The following OR4M1 variants were observed in gnomAD, a reference collection of about 807,000 sequenced individuals.
The protein encoded by OR4M1 is olfactory receptor family 4 subfamily M member 1.
In OR4M1, 7 loss-of-function variants were observed where a neutral mutation model predicts 9.8. That is an observed-to-expected ratio of 0.71 (90% CI 0.41 to 1.34). The LOEUF (loss-of-function observed/expected upper bound fraction) is 1.34. OR4M1 is among the 40% of genes most tolerant of loss of function. The pLI is 0.01. For missense variants in OR4M1, 331 were observed against 380.4 expected, an observed-to-expected ratio of 0.87 and a Z score of 1.08; for synonymous variants, 121 against 139.8, an observed-to-expected ratio of 0.87 and a Z score of 0.95.
At chr14:19,775,128 C>G (rs1225321917) in intron 1 of OR4M1, among the ~76,000 whole-genome samples, 3 of 152,214 alleles carry the variant, frequency 2.0e-5, no homozygotes, top group Non-Finnish European at 4.4e-5. Flanking sequence ...TATCAACCAA[C>G]CACTGAAGCT....
intron 1 of OR4M1, 47 bp from the exon 2 acceptor site, chr14:19,780,247 T>C (rs539977532): frequency 1.4e-6 from 2 of 1,426,160 alleles, no homozygotes; most frequent in East Asian, 2.3e-5. Context: ...GATATAACTC[T>C]AGATAAATGC....
chr14:19,774,926 C>T (rs1187537356), intron 1 of OR4M1, among the ~76,000 whole-genome samples: 1 of 151,928 alleles, frequency 6.6e-6, no homozygotes, highest in Admixed American at 6.6e-5. Context: ...ACCCTTAGCT[C>T]CCCAACCTAC....
In OR4M1 at chr14:19,775,004, A is replaced by G. The variant is rs1430341921; in HGVS notation, c.-30+1411A>G. Among the ~76,000 whole-genome samples the G allele has an allele frequency of 3.9e-5, 6 of 152,338 alleles. No homozygotes were observed. The East Asian group carries it at 7.7e-4, about 20-fold the overall frequency. On this transcript the variant is annotated intron_variant, in intron 1 of 1. Coordinates refer to ENST00000641200, the MANE Select transcript of OR4M1 (RefSeq NM_001005500.2). ...TAAAAGCTGAGTTTTCATCCATGAC[A>G]AGATGGGCGGTCAGAGGTGCCTTCT...
At chr14:19,775,986 G>A (rs2138427601) in intron 1 of OR4M1, among the ~76,000 whole-genome samples, 1 of 152,112 alleles carries the variant, frequency 6.6e-6, no homozygotes, top group East Asian at 1.9e-4. Context: ...TCTGCTACTG[G>A]TTTATTTATG....
intron 1 of OR4M1, among the ~76,000 whole-genome samples, chr14:19,778,084 T>A (rs1206330348): frequency 6.6e-6 from 1 of 152,236 alleles, no homozygotes; most frequent in East Asian, 1.9e-4. Flanking sequence ...TCCTAAGGAA[T>A]AAATGTGATT....
At chr14:19,780,209 G>GA (rs1260985568) in intron 1 of OR4M1, 85 bp from the exon 2 acceptor site, 5 of 1,207,176 alleles carry the variant, frequency 4.1e-6, no homozygotes, top group Non-Finnish European at 5.7e-6. Context: ...GTTAGTGACA[G>GA]AAAACGTATG....
At chr14:19,779,748 A>G (rs1463701857) in intron 1 of OR4M1, among the ~76,000 whole-genome samples, 8 of 152,250 alleles carry the variant, frequency 5.3e-5, no homozygotes, top group African/African-American at 1.9e-4. Context: ...TAAGCTATAC[A>G]GGTTTTGGTT....
rs57131693 is a variant in OR4M1, at chr14:19,777,050, T to TATATATATA, written c.-29-3244_-29-3243insATATATATA. ...TATATATATATATATATATATATAT[T>TATATATATA]GTTTGTTTGTTTTTCCTGTAATGTT... On this transcript the variant is annotated intron_variant, in intron 1 of 1. Coordinates refer to ENST00000641200, the MANE Select transcript of OR4M1 (RefSeq NM_001005500.2). 7.5e-3 allele frequency among the ~76,000 whole-genome samples: 561 copies of TATATATATA among 74,912 alleles called. 20 individuals are homozygous for TATATATATA. Among genetic ancestry groups the TATATATATA allele is most frequent in the East Asian group, 8.4e-3 (23 of 2,722 alleles). 49.1% of individuals were successfully genotyped at this position (74,912 alleles called of 152,430 possible).
chr14:19,780,142 C>T (rs1878424307), intron 1 of OR4M1, 152 bp from the exon 2 acceptor site: 2 of 670,570 alleles, frequency 3.0e-6, no homozygotes, highest in Non-Finnish European at 2.4e-6. Flanking sequence ...CACATACTTT[C>T]TCTTTCTTGG....
At chr14:19,779,858 A>G (rs1372258955) in intron 1 of OR4M1, among the ~76,000 whole-genome samples, 1 of 152,262 alleles carries the variant, frequency 6.6e-6, no homozygotes, top group Non-Finnish European at 1.5e-5. Flanking sequence ...GTGTGCTATT[A>G]GAATGCAAGC....
chr14:19,777,954 G>A (rs1232526091), intron 1 of OR4M1, among the ~76,000 whole-genome samples: 2 of 152,062 alleles, frequency 1.3e-5, no homozygotes, highest in African/African-American at 2.4e-5. Context: ...TTGATTGGCT[G>A]CCTGACTATT....
rs1878431023 is a variant in OR4M1, at chr14:19,780,294, T to C, written c.-29T>C. On this transcript the variant is annotated splice_region_variant and 5_prime_UTR_variant, in exon 2 of 2. Coordinates refer to ENST00000641200, the MANE Select transcript of OR4M1 (RefSeq NM_001005500.2). ...ATTATAGTTTCTTTAATTTTCATAG[T>C]TATATTATGAAAAGAGTAAATTGAA... is the stretch of plus-strand genomic sequence containing the variant. 2.5e-6 allele frequency: 4 copies of C among 1,570,804 alleles called. No homozygotes were observed. Among genetic ancestry groups the C allele is most frequent in the Non-Finnish European group, 3.4e-6 (4 of 1,159,564 alleles).
rs143594631 is a variant in OR4M1, at chr14:19,782,873, T to C, written c.*1609T>C. Reference sequence around the variant, plus strand: ...GTACAAAAGATATATATATATAATATGATAAAATGATGAGTTATGTTTCTA... The same window carrying C: ...GTACAAAAGATATATATATATAATACGATAAAATGATGAGTTATGTTTCTA... On this transcript the variant is annotated 3_prime_UTR_variant, in exon 2 of 2. Coordinates refer to ENST00000641200, the MANE Select transcript of OR4M1 (RefSeq NM_001005500.2). The C allele has an allele frequency of 1.0e-2, 1,493 of 149,764 alleles. 14 individuals are homozygous for C. The highest frequency in any genetic ancestry group is 0.035 in the African/African-American group (1,431 of 41,176). 9.3% of individuals were successfully genotyped at this position (149,764 alleles called of 1,614,324 possible). A position where few individuals can be genotyped will look rare whatever the true frequency, so the allele number is the denominator to read the frequency against.
chr14:19,780,421 C>T lies in OR4M1; in HGVS notation c.99C>T (p.Ser33=), dbSNP rs546810415. Reference sequence around the variant, plus strand: ...TAGTCCTATTTGTTATATTTCTATCCTTCTATTTGTTCATCCTACCAGGAA... The same window carrying T: ...TAGTCCTATTTGTTATATTTCTATCTTTCTATTTGTTCATCCTACCAGGAA... ...VQLVLFVIFL[S]FYLFILPGNI... The change falls in exon 2 of 2, where the codon TCC becomes TCT. Residue 33 remains serine (S), a synonymous_variant. Transcript: ENST00000641200. The T allele has an allele frequency of 1.0e-4, 163 of 1,613,964 alleles. No individual in the cohort carries two copies. Among genetic ancestry groups the T allele is most frequent in the Non-Finnish European group, 1.3e-4 (159 of 1,179,972 alleles).
chr14:19,779,082 G>A (rs1428806714), intron 1 of OR4M1, among the ~76,000 whole-genome samples: 3 of 152,114 alleles, frequency 2.0e-5, no homozygotes, highest in Non-Finnish European at 4.4e-5. Flanking sequence ...GCTTCTATAA[G>A]ATACTGAAAG....
Position 19,780,279 on chromosome 14 carries a change from C to A in OR4M1, c.-29-15C>A, listed in dbSNP as rs368555171. 9.2e-4 allele frequency: 1,424 copies of A among 1,540,360 alleles called. No individual in the cohort carries two copies. Among genetic ancestry groups the A allele is most frequent in the Non-Finnish European group, 1.2e-3 (1,343 of 1,142,768 alleles). On this transcript the variant is annotated splice_polypyrimidine_tract_variant and intron_variant, in intron 1 of 1. Coordinates refer to ENST00000641200, the MANE Select transcript of OR4M1 (RefSeq NM_001005500.2). ...ATGCTATGTGGACTAATTATAGTTT[C>A]TTTAATTTTCATAGTTATATTATGA...
chr14:19,775,297 G>A (rs1218282215), intron 1 of OR4M1, among the ~76,000 whole-genome samples: 1 of 152,174 alleles, frequency 6.6e-6, no homozygotes, highest in Non-Finnish European at 1.5e-5. Flanking sequence ...AGCTTATTGA[G>A]CATATGTATT....
At chr14:19,779,809 CTT>C (rs1293020066) in intron 1 of OR4M1, among the ~76,000 whole-genome samples, 1 of 152,224 alleles carries the variant, frequency 6.6e-6, no homozygotes, top group Non-Finnish European at 1.5e-5. Flanking sequence ...CTTGGGATCT[CTT>C]TTCTGTATCA....
At chr14:19,778,530 T>G (rs1458329711) in intron 1 of OR4M1, among the ~76,000 whole-genome samples, 6 of 152,228 alleles carry the variant, frequency 3.9e-5, no homozygotes, top group Admixed American at 3.3e-4. Context: ...CATGGCATAA[T>G]AGCAAAATAT....
Sources: gnomAD v4.1 joint callset for allele counts (sites outside exome capture counted in the v4.1 genomes callset) on GRCh38, gnomAD v4.1.1 for gene constraint, MANE v1.5 for transcripts, NCBI Gene and HGNC (gene_info 2026-07-23, HGNC 2026-07-21) for gene names.